DCUN1D4: variants seen among roughly 807,000 people sequenced by gnomAD.
The protein encoded by DCUN1D4 is defective in cullin neddylation 1 domain containing 4, also known as DCN1-like protein 4.
A neutral mutation model predicts 47.9 loss-of-function variants in DCUN1D4; 22 were observed. The ratio of observed to expected loss-of-function variants is 0.46; its 90% CI spans 0.33 to 0.66. DCUN1D4 has a LOEUF of 0.66. Among genes scored for constraint, DCUN1D4 ranks in the 30% least tolerant of loss-of-function variants. The probability of loss-of-function intolerance (pLI) is 0.02; values close to 1 mark genes in which losing one functional copy is unlikely to be tolerated. For synonymous variants in DCUN1D4, 121 were observed against 112.2 expected (o/e 1.08, Z -0.50); for missense variants, 301 against 340.8 (o/e 0.88, Z 0.92).
intron 1 of DCUN1D4, among the ~76,000 whole-genome samples, chr4:51,851,002 G>A (rs1411695986): frequency 1.3e-5 from 2 of 152,126 alleles, no homozygotes; most frequent in African/African-American, 4.8e-5. Context: ...GTGGTCCAAA[G>A]GATTAAATGA....
At chr4:51,838,581 T>C (rs771725386), upstream of DCUN1D4, among the ~76,000 whole-genome samples, 31 of 152,020 alleles carry the variant, frequency 2.0e-4, no homozygotes, top group Non-Finnish European at 1.6e-4. Flanking sequence ...AGGGTCTCCC[T>C]GTGTTGGCCC....
At chr4:51,835,769 T>C in the DCUN1D4 span, among the ~76,000 whole-genome samples, 1 of 151,890 alleles carries the variant, frequency 6.6e-6, no homozygotes, top group Non-Finnish European at 1.5e-5. Context: ...TGGGTGGGGG[T>C]ACCTGTGTCT....
upstream of DCUN1D4, among the ~76,000 whole-genome samples, chr4:51,838,652 G>A (rs1017394015): frequency 5.3e-5 from 8 of 152,092 alleles, no homozygotes; most frequent in African/African-American, 1.9e-4. Flanking sequence ...GAAAGTGCTG[G>A]GGTTTCAGGC....
chr4:51,877,962 T>C (rs1039365696), intron 5 of DCUN1D4, 108 bp downstream of exon 5: 2 of 654,708 alleles, frequency 3.1e-6, no homozygotes, highest in East Asian at 2.9e-5. Flanking sequence ...TGGGTGTGTG[T>C]GTGTGTGTGT....
At position 51,911,076 on chromosome 4, in the gene DCUN1D4, G is replaced by T; in HGVS notation, c.622G>T (p.Asp208Tyr). 6.2e-7 allele frequency: 1 copy of T among 1,613,648 alleles called. No individual in the cohort carries two copies. Among genetic ancestry groups the T allele is most frequent in the Non-Finnish European group, 8.5e-7 (1 of 1,179,752 alleles). ...RYAFDFAREK[D>Y]QRSLDINTAK... ...GTTTTTGTTTGTTAAACAGGAAAAG[G>T]ACCAGCGCAGCCTAGACATAAACAC... The change falls in exon 9 of 11, where the codon GAC (aspartate) becomes TAC (tyrosine). Residue 208 changes from aspartate to tyrosine, a missense_variant. This residue lies in a region of DCUN1D4 where 170 missense variants were observed against 234.5 expected (regional missense o/e 0.73). Transcript: ENST00000334635.
chr4:51,854,036 C>G (rs1016734743), intron 1 of DCUN1D4, among the ~76,000 whole-genome samples: 4 of 152,160 alleles, frequency 2.6e-5, no homozygotes, highest in Non-Finnish European at 5.9e-5. Flanking sequence ...TACTTGTAGC[C>G]ATGAAGGACA....
rs1298580283 is a variant in DCUN1D4, at chr4:51,843,441, G to A, written c.25+174G>A. The A allele has an allele frequency of 4.8e-6, 6 of 1,242,446 alleles. No homozygotes were observed. In the African/African-American group the frequency reaches 6.4e-5, roughly 13 times the overall value. 77.0% of individuals were successfully genotyped at this position (1,242,446 alleles called of 1,614,324 possible). A position where few individuals can be genotyped will look rare whatever the true frequency, so the allele number is the denominator to read the frequency against. On this transcript the variant is annotated intron_variant, in intron 1 of 10. Coordinates refer to ENST00000334635, the MANE Select transcript of DCUN1D4 (RefSeq NM_001040402.3). ...GGCGGGCGGTGACGCTGCGGGCGGC[G>A]TGGGGCGGGGGCGGGCGTGGGGGGA...
At chr4:51,906,008 G>T (rs1397687026) in intron 8 of DCUN1D4, among the ~76,000 whole-genome samples, 1 of 152,154 alleles carries the variant, frequency 6.6e-6, no homozygotes, top group Non-Finnish European at 1.5e-5. Flanking sequence ...TTCAGGAGAA[G>T]GGGAACGAGT....
chr4:51,846,999 G>C (rs923600483), intron 1 of DCUN1D4, among the ~76,000 whole-genome samples: 2 of 152,204 alleles, frequency 1.3e-5, no homozygotes, highest in African/African-American at 4.8e-5. Context: ...ACTTTGGAGA[G>C]TTCCATTTCA....
At chr4:51,907,196 G>A (rs1733026146) in intron 8 of DCUN1D4, among the ~76,000 whole-genome samples, 1 of 152,198 alleles carries the variant, frequency 6.6e-6, no homozygotes, top group African/African-American at 2.4e-5. Context: ...AATAAAGCCT[G>A]TGCCAGCTGG....
intron 3 of DCUN1D4, chr4:51,865,260 T>C (rs540479885): frequency 3.5e-5 from 8 of 229,378 alleles, no homozygotes; most frequent in Admixed American, 1.7e-4. Context: ...CCTACATCTA[T>C]AAAGTGTTTT....
chr4:51,888,736 A>C (rs2134978), intron 6 of DCUN1D4, among the ~76,000 whole-genome samples: 61,614 of 150,238 alleles, frequency 0.41, 15,263 homozygotes, highest in African/African-American at 0.69. Flanking sequence ...AAAAAAAAAA[A>C]AAAAAAACTC....
intron 5 of DCUN1D4, among the ~76,000 whole-genome samples, chr4:51,880,652 A>G (rs1435961236): frequency 2.0e-5 from 3 of 152,204 alleles, no homozygotes; most frequent in Non-Finnish European, 4.4e-5. Flanking sequence ...ATCTCCAGAA[A>G]TATAATGAAT....
intron 8 of DCUN1D4, among the ~76,000 whole-genome samples, chr4:51,900,704 CT>C (rs566569433): frequency 4.0e-5 from 6 of 151,334 alleles, no homozygotes; most frequent in Admixed American, 2.0e-4. Context: ...TTGCCAGATG[CT>C]TTTTTTTGCT....
upstream of DCUN1D4, chr4:51,842,944 A>G: frequency 2.4e-6 from 2 of 823,654 alleles, no homozygotes; most frequent in South Asian, 8.0e-5. Flanking sequence ...GCTCCGGAGC[A>G]TGGCCTCCGC....
chr4:51,910,757 T>G, intron 8 of DCUN1D4: 1 of 348,050 alleles, frequency 2.9e-6, no homozygotes, highest in Non-Finnish European at 5.1e-6. Flanking sequence ...AGTGATTGAG[T>G]TACAAGTTTT....
chr4:51,849,047 A>G (rs1316484169), intron 1 of DCUN1D4, among the ~76,000 whole-genome samples: 3 of 152,166 alleles, frequency 2.0e-5, no homozygotes, highest in Admixed American at 6.5e-5. Context: ...CACGACCACA[A>G]TTGTTGGCTT....
At chr4:51,866,210 T>C (rs1725878894) in intron 3 of DCUN1D4, among the ~76,000 whole-genome samples, 1 of 152,170 alleles carries the variant, frequency 6.6e-6, no homozygotes. Flanking sequence ...ATTTATTTAA[T>C]AATTTTAAAA....
chr4:51,843,055 T>C, upstream of DCUN1D4: 1 of 1,383,934 alleles, frequency 7.2e-7, no homozygotes, highest in Non-Finnish European at 9.3e-7. Context: ...GCACTCCTTT[T>C]GTCAAATGAG....
Sources: allele counts gnomAD v4.1 joint callset (sites outside exome capture counted in the v4.1 genomes callset), GRCh38; gene constraint gnomAD v4.1.1; regional missense constraint gnomAD v4.1.1; transcripts MANE v1.5; gene names NCBI Gene and HGNC (gene_info 2026-07-23, HGNC 2026-07-21).